TRIM44: variants seen among roughly 807,000 people sequenced by gnomAD.
The protein encoded by TRIM44 is tripartite motif containing 44.
In TRIM44, 13 loss-of-function variants were observed where a neutral mutation model predicts 37.4. The ratio of observed to expected loss-of-function variants is 0.35; its 90% CI spans 0.23 to 0.55. The LOEUF (loss-of-function observed/expected upper bound fraction) is 0.55. TRIM44 is among the 20% of genes least tolerant of loss of function. The pLI, the probability that TRIM44 is intolerant of heterozygous loss-of-function variation, is 0.89. For synonymous variants in TRIM44, 175 were observed against 157.2 expected (o/e 1.11, Z -0.85); for missense variants, 426 against 437.2 (o/e 0.97, Z 0.23).
intron 4 of TRIM44, among the ~76,000 whole-genome samples, chr11:35,741,547 C>T (rs1264464067): frequency 6.6e-6 from 1 of 152,146 alleles, no homozygotes; most frequent in Non-Finnish European, 1.5e-5. Context: ...TAACATACAT[C>T]TACCTACTTT....
At chr11:35,723,922 T>C (rs116115064) in intron 2 of TRIM44, among the ~76,000 whole-genome samples, 1,651 of 152,282 alleles carry the variant, frequency 0.011, 33 homozygotes, top group African/African-American at 0.038. Flanking sequence ...CTGTAAAGCA[T>C]AATAGCCCTA....
At chr11:35,788,357 G>T (rs1286631822) in intron 4 of TRIM44, among the ~76,000 whole-genome samples, 1 of 152,198 alleles carries the variant, frequency 6.6e-6, no homozygotes, top group Non-Finnish European at 1.5e-5. Flanking sequence ...AGCTGCCACA[G>T]AGATTCAAGG....
At chr11:35,740,990 A>G (rs992648437) in intron 4 of TRIM44, among the ~76,000 whole-genome samples, 1 of 151,686 alleles carries the variant, frequency 6.6e-6, no homozygotes, top group Non-Finnish European at 1.5e-5. Flanking sequence ...TTCTCTTTCT[A>G]TTTAGGTTGT....
At chr11:35,664,533 AT>A (rs1314430805) in intron 1 of TRIM44, among the ~76,000 whole-genome samples, 4 of 152,278 alleles carry the variant, frequency 2.6e-5, no homozygotes, top group Non-Finnish European at 5.9e-5. Context: ...GGAGGGGGAA[AT>A]TTTGAGTGGA....
chr11:35,749,383 A>G (rs1433277240), intron 4 of TRIM44, among the ~76,000 whole-genome samples: 1 of 152,204 alleles, frequency 6.6e-6, no homozygotes, highest in Non-Finnish European at 1.5e-5. Flanking sequence ...AAGATAGAAT[A>G]AGAATAAGAG....
rs1853523963 is a variant in TRIM44 at position 35,811,170 on chromosome 11, G to A, written c.*4785G>A. The A allele has an allele frequency of 6.6e-6, 1 of 152,134 alleles. No homozygotes were observed. Among genetic ancestry groups the A allele is most frequent in the Admixed American group, 6.5e-5 (1 of 15,278 alleles). The allele number at this position is 152,134 out of a possible 1,614,324, so 9.4% of individuals were successfully genotyped here. ...GGTGTTTTGGTTACTAGATGTGGGA[G>A]TCTAATTTACTCCTGACTTTTCCAC... On this transcript the variant is annotated 3_prime_UTR_variant, in exon 5 of 5. Transcript: ENST00000299413.
chr11:35,670,941 C>G (rs971168992), intron 1 of TRIM44, among the ~76,000 whole-genome samples: 12 of 152,180 alleles, frequency 7.9e-5, no homozygotes, highest in African/African-American at 2.7e-4. Context: ...GCTCTAGTTT[C>G]AGTTCTCTGG....
At chr11:35,759,360 T>C (rs569764727) in intron 4 of TRIM44, among the ~76,000 whole-genome samples, 35 of 152,358 alleles carry the variant, frequency 2.3e-4, no homozygotes, top group African/African-American at 8.2e-4. Context: ...TCAGGTCCTT[T>C]AAGGACCTCT....
chr11:35,749,660 C>A (rs1852537682), intron 4 of TRIM44, among the ~76,000 whole-genome samples: 1 of 152,120 alleles, frequency 6.6e-6, no homozygotes, highest in South Asian at 2.1e-4. Flanking sequence ...TCCAGCCTGG[C>A]CAGTGAAGCA....
At chr11:35,678,690 C>T (rs542206194) in intron 1 of TRIM44, among the ~76,000 whole-genome samples, 19 of 152,046 alleles carry the variant, frequency 1.2e-4, no homozygotes, top group African/African-American at 4.3e-4. Flanking sequence ...CCCACTGCAA[C>T]CTCCACCTCC....
intron 2 of TRIM44, among the ~76,000 whole-genome samples, chr11:35,705,593 T>A (rs1345134893): frequency 6.6e-6 from 1 of 151,446 alleles, no homozygotes; most frequent in African/African-American, 2.4e-5. Context: ...AAACTAGAAC[T>A]CAGGATTAAG....
At chr11:35,696,911 A>G (rs11604877) in intron 2 of TRIM44, among the ~76,000 whole-genome samples, 50,995 of 151,834 alleles carry the variant, frequency 0.34, 8,778 homozygotes, top group East Asian at 0.39. Flanking sequence ...ATGTTTCATT[A>G]TCTTTTAATA....
At chr11:35,700,783 T>C (rs888091206) in intron 2 of TRIM44, among the ~76,000 whole-genome samples, 3 of 152,220 alleles carry the variant, frequency 2.0e-5, no homozygotes, top group African/African-American at 7.2e-5. Flanking sequence ...ATCTACAATA[T>C]AATGCTCCAA....
At chr11:35,765,825 C>T (rs965257243) in intron 4 of TRIM44, among the ~76,000 whole-genome samples, 4 of 152,138 alleles carry the variant, frequency 2.6e-5, no homozygotes, top group African/African-American at 4.8e-5. Context: ...TTCTTTTTAA[C>T]CATCCCCTAT....
chr11:35,718,679 G>A (rs2985416), intron 2 of TRIM44, among the ~76,000 whole-genome samples: 149,859 of 152,220 alleles, frequency 0.98, 73,772 homozygotes, highest in East Asian at 1. Context: ...ATCATACAGA[G>A]TAGTTTCACT....
At chr11:35,703,501 G>A (rs1564963012) in intron 2 of TRIM44, among the ~76,000 whole-genome samples, 1 of 152,198 alleles carries the variant, frequency 6.6e-6, no homozygotes, top group Non-Finnish European at 1.5e-5. Context: ...GCCTAACTGG[G>A]AGGCACCCCC....
chr11:35,729,989 A>C (rs535239338), intron 3 of TRIM44, among the ~76,000 whole-genome samples: 1 of 152,354 alleles, frequency 6.6e-6, no homozygotes, highest in African/African-American at 2.4e-5. Context: ...AAATAAAATG[A>C]AATGAAAATC....
chr11:35,691,752 C>T (rs1202206531), intron 2 of TRIM44, among the ~76,000 whole-genome samples: 1 of 152,192 alleles, frequency 6.6e-6, no homozygotes, highest in Non-Finnish European at 1.5e-5. Flanking sequence ...TCACACCATT[C>T]TCCTGCCTCA....
At chr11:35,724,862 G>A (rs1590544365) in intron 2 of TRIM44, among the ~76,000 whole-genome samples, 1 of 152,246 alleles carries the variant, frequency 6.6e-6, no homozygotes, top group Non-Finnish European at 1.5e-5. Context: ...TTTCTCAGAA[G>A]GCACCTTGGC....
Sources: gnomAD v4.1 joint callset for allele counts (sites outside exome capture counted in the v4.1 genomes callset) on GRCh38, gnomAD v4.1.1 for gene constraint, MANE v1.5 for transcripts, NCBI Gene and HGNC (gene_info 2026-07-23, HGNC 2026-07-21) for gene names.